SEMA6A: variants seen among roughly 807,000 people sequenced by gnomAD.
The protein encoded by SEMA6A is semaphorin-6A.
In SEMA6A, 25 loss-of-function variants were observed where a neutral mutation model predicts 96.8. The ratio of observed to expected loss-of-function variants is 0.26; its 90% CI spans 0.19 to 0.36. SEMA6A has a LOEUF of 0.36. Among genes scored for constraint, SEMA6A ranks in the 10% least tolerant of loss-of-function variants. SEMA6A has a pLI of 1.00. For synonymous variants in SEMA6A, 612 were observed against 518.0 expected, an observed-to-expected ratio of 1.18 and a Z score of -2.46; for missense variants, 1,363 against 1,323.1, an observed-to-expected ratio of 1.03 and a Z score of -0.47.
At chr5:116,515,755 T>A (rs566421485) in intron 1 of SEMA6A, among the ~76,000 whole-genome samples, 6 of 152,336 alleles carry the variant, frequency 3.9e-5, no homozygotes, top group Non-Finnish European at 1.5e-5. Flanking sequence ...ATCTCCACTC[T>A]GCCTGGGATT....
intron 9 of SEMA6A, among the ~76,000 whole-genome samples, chr5:116,487,404 T>C (rs1273727865): frequency 1.3e-5 from 2 of 152,084 alleles, no homozygotes; most frequent in East Asian, 3.9e-4. Context: ...TAAAAAGAAC[T>C]AAAATGGACA....
Position 116,447,007 on chromosome 5 carries a change from A to C in SEMA6A, c.2699T>G (p.Leu900Arg). The C allele has an allele frequency of 6.2e-7, 1 of 1,613,846 alleles. No homozygotes were observed. Among genetic ancestry groups the C allele is most frequent in the African/African-American group, 1.3e-5 (1 of 75,012 alleles). ...GTGGTGCATTTCCAGCCGCTTGCTT[A>C]GACCGGTCTGAGACAGGGAGGCTCC... Reference protein sequence around the residue: ...PPGASLSQTGLSKRLEMHHSS... With the variant: ...PPGASLSQTGRSKRLEMHHSS... The change falls in exon 19 of 19, where the codon CTA becomes CGA. Residue 900 changes from leucine (L) to arginine (R), a missense_variant. Physicochemically the swap from Leu to Arg is moderately radical, Grantham distance 102. Transcript: ENST00000343348.
At chr5:116,511,845 T>C (rs1038606864) in intron 1 of SEMA6A, among the ~76,000 whole-genome samples, 5 of 152,206 alleles carry the variant, frequency 3.3e-5, no homozygotes, top group Admixed American at 2.0e-4. Context: ...TGTTTTAACA[T>C]CAACACATCA....
At chr5:116,511,616 T>C (rs527900989) in intron 1 of SEMA6A, among the ~76,000 whole-genome samples, 1 of 152,344 alleles carries the variant, frequency 6.6e-6, no homozygotes, top group African/African-American at 2.4e-5. Flanking sequence ...AAGTCCCTAA[T>C]GGCTTCGGTG....
intron 1 of SEMA6A, chr5:116,536,579 T>C (rs951329531): frequency 1.3e-5 from 2 of 151,972 alleles, no homozygotes; most frequent in African/African-American, 4.8e-5. Flanking sequence ...ATCATTGCAA[T>C]AAAATTGTGA....
At chr5:116,457,499 A>T (rs1287374890) in intron 18 of SEMA6A, among the ~76,000 whole-genome samples, 1 of 152,166 alleles carries the variant, frequency 6.6e-6, no homozygotes, top group East Asian at 1.9e-4. Context: ...GCATCCTTTT[A>T]AAAAATATGA....
chr5:116,541,129 C>T (rs891364447), intron 1 of SEMA6A, among the ~76,000 whole-genome samples: 1 of 152,054 alleles, frequency 6.6e-6, no homozygotes. Context: ...TGTAGATCAG[C>T]GGTGATGGGT....
intron 1 of SEMA6A, among the ~76,000 whole-genome samples, chr5:116,573,550 A>T (rs1272013524): frequency 6.6e-6 from 1 of 152,120 alleles, no homozygotes; most frequent in Non-Finnish European, 1.5e-5. Flanking sequence ...CAGCGGCCAC[A>T]GGAGCCAGGA....
chr5:116,500,360 C>G (rs1276350439), intron 3 of SEMA6A, among the ~76,000 whole-genome samples: 4 of 152,168 alleles, frequency 2.6e-5, no homozygotes, highest in African/African-American at 7.2e-5. Context: ...CTATCTGTCC[C>G]TTGGATTCCT....
At chr5:116,490,951 A>C (rs1265963520) in intron 7 of SEMA6A, among the ~76,000 whole-genome samples, 4 of 152,194 alleles carry the variant, frequency 2.6e-5, no homozygotes, top group African/African-American at 2.4e-5. Flanking sequence ...ATCCCACTAC[A>C]TCTGAAAATG....
intron 1 of SEMA6A, among the ~76,000 whole-genome samples, chr5:116,560,446 A>C (rs960141924): frequency 2.0e-5 from 3 of 151,756 alleles, no homozygotes; most frequent in African/African-American, 7.3e-5. Context: ...CTATTGAATT[A>C]AATTGAACTG....
At chr5:116,489,090 C>G in intron 7 of SEMA6A, 83 bp from the exon 8 acceptor site, 1 of 1,400,078 alleles carries the variant, frequency 7.1e-7, no homozygotes, top group Non-Finnish European at 9.4e-7. Context: ...CCCTAGATTG[C>G]TTTCCAACAT....
chr5:116,564,708 T>TA (rs75431360), intron 1 of SEMA6A, among the ~76,000 whole-genome samples: 27,224 of 151,144 alleles, frequency 0.18, 2,775 homozygotes, highest in East Asian at 0.31. Flanking sequence ...GTCACAAACC[T>TA]AAAAAAAAAT....
chr5:116,558,961 A>T (rs1374336060), intron 1 of SEMA6A, among the ~76,000 whole-genome samples: 1 of 152,206 alleles, frequency 6.6e-6, no homozygotes, highest in Non-Finnish European at 1.5e-5. Flanking sequence ...ATAAAGTAAA[A>T]TTGTTTGGAA....
chr5:116,496,062 G>C (rs1757585634), intron 5 of SEMA6A, 189 bp downstream of exon 5: 2 of 538,730 alleles, frequency 3.7e-6, no homozygotes, highest in Admixed American at 6.4e-5. Context: ...AGCAGCTGTT[G>C]TAATGTTTCA....
intron 2 of SEMA6A, among the ~76,000 whole-genome samples, chr5:116,503,159 A>G (rs1000688419): frequency 2.0e-5 from 3 of 152,194 alleles, no homozygotes; most frequent in African/African-American, 7.2e-5. Context: ...GCCTCCAGAC[A>G]AACTCAGGAG....
chr5:116,454,827 T>C (rs905829005), intron 18 of SEMA6A, among the ~76,000 whole-genome samples: 12 of 151,510 alleles, frequency 7.9e-5, no homozygotes, highest in African/African-American at 2.9e-4. Flanking sequence ...TGTGTGCGCG[T>C]GTGTGTGTAT....
chr5:116,446,200 A>T lies in SEMA6A; in HGVS notation c.*413T>A, dbSNP rs1214142433. 1.2e-5 allele frequency: 2 copies of T among 168,060 alleles called. No homozygotes were observed. The highest frequency in any genetic ancestry group is 3.2e-4 in the East Asian group (2 of 6,178). The allele number at this position is 168,060 out of a possible 1,614,324, so 10.4% of individuals were successfully genotyped here. ...AACCCAGTCTGGCCACGTCCCGTGA[A>T]GTTGTGGACAAAATGTTTCAGTTTC... is the stretch of plus-strand genomic sequence containing the variant. On this transcript the variant is annotated 3_prime_UTR_variant, in exon 19 of 19. Transcript: ENST00000343348.
At chr5:116,568,785 T>A (rs777283880) in intron 1 of SEMA6A, among the ~76,000 whole-genome samples, 3 of 151,770 alleles carry the variant, frequency 2.0e-5, no homozygotes, top group Non-Finnish European at 4.4e-5. Flanking sequence ...CCACTAATGA[T>A]GCATGAGCCA....
Sources: allele counts gnomAD v4.1 joint callset (sites outside exome capture counted in the v4.1 genomes callset), GRCh38; gene constraint gnomAD v4.1.1; transcripts MANE v1.5; gene names NCBI Gene and HGNC (gene_info 2026-07-23, HGNC 2026-07-21).